Variants in NSL1 observed in about 807,000 individuals in gnomAD.
NSL1 encodes NSL1 component of MIS12 kinetochore complex, also known as kinetochore-associated protein NSL1 homolog.
A neutral mutation model predicts 25.4 loss-of-function variants in NSL1; 11 were observed. That is an observed-to-expected ratio of 0.43 (90% CI 0.27 to 0.72). The LOEUF (loss-of-function observed/expected upper bound fraction) is 0.72, where lower values mean the gene tolerates loss of function less well. NSL1 is among the 30% of genes least tolerant of loss of function. NSL1 has a pLI of 0.19. For missense variants in NSL1, 330 were observed against 342.7 expected (o/e 0.96, Z 0.29); for synonymous variants, 118 against 120.6 (o/e 0.98, Z 0.14).
intron 4 of NSL1, chr1:212,766,152 A>G: frequency 1.8e-6 from 1 of 558,102 alleles, no homozygotes. Context: ...AAAAAAACAA[A>G]AAAACCCTCA....
Position 212,737,893 on chromosome 1 carries a change from A to C in NSL1, c.*515T>G. 1.0e-6 allele frequency: 1 copy of C among 985,524 alleles called. No individual in the cohort carries two copies. The highest frequency in any genetic ancestry group is 4.7e-5 in the South Asian group (1 of 21,294). 61.0% of individuals were successfully genotyped at this position (985,524 alleles called of 1,614,324 possible). The stretch of plus-strand genomic sequence containing the variant: ...AACATGGAGTAACAAAGTCAAAGCC[A>C]GTATTATCATCAGCACATTAATTTG... On this transcript the variant is annotated 3_prime_UTR_variant, in exon 6 of 6. Transcript: ENST00000366977.
rs1184877331 is a variant in NSL1, at chr1:212,766,224, A to G, written c.499+16148T>C. ...TAAAAACCATATATGACAAATCCAC[A>G]GCCAACATCATGTTGAATGGGGAAA... On this transcript the variant is annotated intron_variant, in intron 4 of 5. Coordinates refer to ENST00000366977, the MANE Select transcript of NSL1 (RefSeq NM_015471.4). 1.2e-5 allele frequency: 8 copies of G among 663,220 alleles called. No homozygotes were observed. The East Asian group carries it at 2.3e-4, about 19-fold the overall frequency. 41.1% of individuals were successfully genotyped at this position (663,220 alleles called of 1,614,324 possible). A position where few individuals can be genotyped will look rare whatever the true frequency, so the allele number is the denominator to read the frequency against.
intron 4 of NSL1, among the ~76,000 whole-genome samples, chr1:212,755,569 A>G (rs1307453219): frequency 6.6e-6 from 1 of 151,228 alleles, no homozygotes; most frequent in Non-Finnish European, 1.5e-5. Context: ...AATAAAATGC[A>G]TTATGTAATA....
At chr1:212,778,565 G>A (rs1490068787) in intron 4 of NSL1, among the ~76,000 whole-genome samples, 16 of 148,006 alleles carry the variant, frequency 1.1e-4, no homozygotes, top group South Asian at 2.2e-4. Flanking sequence ...CGCCTGACTG[G>A]TTTTCGTATT....
intron 4 of NSL1, among the ~76,000 whole-genome samples, chr1:212,748,105 A>C (rs933407343): frequency 5.3e-5 from 8 of 152,192 alleles, no homozygotes; most frequent in African/African-American, 1.9e-4. Context: ...AAATACTATA[A>C]TTCCTTCACT....
At chr1:212,743,651 T>C (rs1297367765) in intron 4 of NSL1, among the ~76,000 whole-genome samples, 2 of 152,070 alleles carry the variant, frequency 1.3e-5, no homozygotes, top group African/African-American at 2.4e-5. Context: ...AATGGTGGCA[T>C]AGGAGATTCC....
At chr1:212,764,719 G>A (rs1419907629) in intron 4 of NSL1, among the ~76,000 whole-genome samples, 2 of 151,492 alleles carry the variant, frequency 1.3e-5, no homozygotes, top group Non-Finnish European at 2.9e-5. Context: ...GGTGGCAGGC[G>A]CCTGTAATCC....
At chr1:212,755,027 G>A (rs1249772117) in intron 4 of NSL1, among the ~76,000 whole-genome samples, 1 of 152,094 alleles carries the variant, frequency 6.6e-6, no homozygotes, top group East Asian at 1.9e-4. Context: ...AGCAGTGGTA[G>A]ACAGATATGC....
chr1:212,751,110 T>C (rs918150038), intron 4 of NSL1, among the ~76,000 whole-genome samples: 4 of 152,136 alleles, frequency 2.6e-5, no homozygotes, highest in African/African-American at 9.7e-5. Context: ...TGAAATACTA[T>C]TGATTTTTTT....
At position 212,732,661 on chromosome 1, in the gene NSL1, C is replaced by T. The variant is rs1658072215; in HGVS notation, c.*5747G>A. On this transcript the variant is annotated 3_prime_UTR_variant, in exon 6 of 6. Transcript: ENST00000366977. Reference sequence around the variant, plus strand: ...TGCTGATTAGTTAGTAGCCTGTAGACTCGAGTGTGCTGTGTTTTGGGAGCC... The same window carrying T: ...TGCTGATTAGTTAGTAGCCTGTAGATTCGAGTGTGCTGTGTTTTGGGAGCC... 1.0e-6 allele frequency: 1 copy of T among 985,378 alleles called. No individual in the cohort carries two copies. Among genetic ancestry groups the T allele is most frequent in the South Asian group, 4.7e-5 (1 of 21,284 alleles). 61.0% of individuals were successfully genotyped at this position (985,378 alleles called of 1,614,324 possible). A position where few individuals can be genotyped will look rare whatever the true frequency, so the allele number is the denominator to read the frequency against.
chr1:212,784,846 G>A (rs982221653), intron 2 of NSL1, among the ~76,000 whole-genome samples: 7 of 152,122 alleles, frequency 4.6e-5, no homozygotes, highest in African/African-American at 1.7e-4. Flanking sequence ...ACAGAACAAT[G>A]GAAAACTGAC....
chr1:212,775,313 A>G lies in NSL1; in HGVS notation c.499+7059T>C, dbSNP rs537189713. 3.3e-5 allele frequency among the ~76,000 whole-genome samples: 5 copies of G among 152,338 alleles called. No homozygotes were observed. In the South Asian group the frequency reaches 1.0e-3, roughly 32 times the overall value. On this transcript the variant is annotated intron_variant, in intron 4 of 5. Coordinates refer to ENST00000366977, the MANE Select transcript of NSL1 (RefSeq NM_015471.4). ...CTTTTCAGAATAATAAACCATTTTT[A>G]AAATTGATTATCATGATGTTGCATA... is the stretch of plus-strand genomic sequence containing the variant.
rs183922173 is a variant in NSL1 at position 212,747,688 on chromosome 1, A to T, written c.500-8087T>A. On this transcript the variant is annotated intron_variant, in intron 4 of 5. Coordinates refer to ENST00000366977, the MANE Select transcript of NSL1 (RefSeq NM_015471.4). ...TTAGGCAGCAATAGATAACTAATACAACATGAGAGCAATATATTTTCAAAG... is the reference window on the plus strand; with the variant it reads ...TTAGGCAGCAATAGATAACTAATACTACATGAGAGCAATATATTTTCAAAG... 2.6e-5 allele frequency among the ~76,000 whole-genome samples: 4 copies of T among 152,386 alleles called. No individual in the cohort carries two copies. In the South Asian group the frequency reaches 8.3e-4, roughly 32 times the overall value.
chr1:212,790,314 A>C (rs990315168), intron 1 of NSL1, among the ~76,000 whole-genome samples: 1 of 152,092 alleles, frequency 6.6e-6, no homozygotes, highest in Non-Finnish European at 1.5e-5. Context: ...GGCGTGAGCC[A>C]CCGCGCCCGA....
chr1:212,736,652 T>C lies in NSL1; in HGVS notation c.*1756A>G, dbSNP rs920180983. The C allele has an allele frequency of 3.0e-6, 3 of 985,038 alleles. No homozygotes were observed. The African/African-American group carries it at 5.2e-5, about 17-fold the overall frequency. The allele number at this position is 985,038 out of a possible 1,614,324, so 61.0% of individuals were successfully genotyped here. A position where few individuals can be genotyped will look rare whatever the true frequency, so the allele number is the denominator to read the frequency against. ...GTAAAACTTTGGGCTCTCAAGAGGATTTCAAATCTCAGCTGTCTGCCTGGG... is the reference window on the plus strand; with the variant it reads ...GTAAAACTTTGGGCTCTCAAGAGGACTTCAAATCTCAGCTGTCTGCCTGGG... On this transcript the variant is annotated 3_prime_UTR_variant, in exon 6 of 6. Coordinates refer to ENST00000366977, the MANE Select transcript of NSL1 (RefSeq NM_015471.4).
chr1:212,737,312 C>T lies in NSL1; in HGVS notation c.*1096G>A. The T allele has an allele frequency of 1.0e-6, 1 of 985,118 alleles. No homozygotes were observed. 61.0% of individuals were successfully genotyped at this position (985,118 alleles called of 1,614,324 possible). A position where few individuals can be genotyped will look rare whatever the true frequency, so the allele number is the denominator to read the frequency against. ...GACCTTCTGGTGACTTCTGGTGAATCTAGACATTTATGATTATTAATACAT... is the reference window on the plus strand; with the variant it reads ...GACCTTCTGGTGACTTCTGGTGAATTTAGACATTTATGATTATTAATACAT... On this transcript the variant is annotated 3_prime_UTR_variant, in exon 6 of 6. Transcript: ENST00000366977.
At chr1:212,763,823 C>T (rs55840547) in intron 4 of NSL1, among the ~76,000 whole-genome samples, 31,068 of 152,080 alleles carry the variant, frequency 0.2, 3,999 homozygotes, top group African/African-American at 0.37. Context: ...GGCAACAACA[C>T]AATAATAGTG....
chr1:212,730,237 CAAAAAAAAAAAAAA>C lies in NSL1; in HGVS notation c.*8157_*8170del, dbSNP rs532313864. ...TACACTCCAGCCTGGGTGACAGTCT[CAAAAAAAAAAAAAA>C]AAAAAAAAAAAAAAGAAATGCGCCA... On this transcript the variant is annotated 3_prime_UTR_variant, in exon 6 of 6. Transcript: ENST00000366977. The C allele has an allele frequency of 6.5e-5, 39 of 603,932 alleles. No individual in the cohort carries two copies. The highest frequency in any genetic ancestry group is 4.7e-4 in the African/African-American group (10 of 21,458). 37.4% of individuals were successfully genotyped at this position (603,932 alleles called of 1,614,324 possible).
At position 212,734,700 on chromosome 1, in the gene NSL1, G is replaced by A. The variant is rs530662556; in HGVS notation, c.*3708C>T. Among the ~76,000 whole-genome samples, 1 of 152,246 alleles carries A rather than the reference G, an allele frequency of 6.6e-6. No individual in the cohort carries two copies. Among genetic ancestry groups the A allele is most frequent in the Non-Finnish European group, 1.5e-5 (1 of 68,014 alleles). ...ATCCACATTGTTATAACAGTAATTTGTTCTTTATTCCTGTATTCCTTCCCT... is the reference window on the plus strand; with the variant it reads ...ATCCACATTGTTATAACAGTAATTTATTCTTTATTCCTGTATTCCTTCCCT... On this transcript the variant is annotated 3_prime_UTR_variant, in exon 6 of 6. Transcript: ENST00000366977.
Sources: allele counts gnomAD v4.1 joint callset (sites outside exome capture counted in the v4.1 genomes callset), GRCh38; gene constraint gnomAD v4.1.1; transcripts MANE v1.5; gene names NCBI Gene and HGNC (gene_info 2026-07-23, HGNC 2026-07-21).